ERC1: variants seen among roughly 807,000 people sequenced by gnomAD.
The protein encoded by ERC1 is ELKS/RAB6-interacting/CAST family member 1.
In ERC1, 56 loss-of-function variants were observed where a neutral mutation model predicts 132.0. The observed-to-expected ratio is 0.42, with a 90% confidence interval of 0.34 to 0.53. ERC1 has a LOEUF of 0.53. Ranked by LOEUF, ERC1 falls within the 20% of genes least tolerant of loss-of-function variation. The pLI is 0.03. For synonymous variants in ERC1, 478 were observed against 476.1 expected, an observed-to-expected ratio of 1.00 and a Z score of -0.05; for missense variants, 1,202 against 1,349.9, an observed-to-expected ratio of 0.89 and a Z score of 1.72.
chr12:1,434,436 G>A (rs750022174), intron 17 of ERC1, among the ~76,000 whole-genome samples: 1 of 152,174 alleles, frequency 6.6e-6, no homozygotes, highest in Non-Finnish European at 1.5e-5. Flanking sequence ...GTAGTTACCT[G>A]TGCTTCAGTC....
Position 1,211,983 on chromosome 12 carries a change from G to A in ERC1, c.2351+21931G>A, listed in dbSNP as rs191244174. On this transcript the variant is annotated intron_variant, in intron 12 of 18. Transcript: ENST00000360905. The stretch of plus-strand genomic sequence containing the variant: ...AGTAGCTTGCTTATTGTCATTATTA[G>A]TTTATTGATGCAACAGTAGAGTAAG... Among the ~76,000 whole-genome samples, 35 of 133,166 alleles carry A rather than the reference G, an allele frequency of 2.6e-4. No homozygotes were observed. In the East Asian group the frequency reaches 6.7e-3, roughly 26 times the overall value. The allele number at this position is 133,166 out of a possible 152,430, so 87.4% of individuals were successfully genotyped here.
chr12:1,440,378 T>A (rs567276177), intron 17 of ERC1, among the ~76,000 whole-genome samples: 1 of 150,620 alleles, frequency 6.6e-6, no homozygotes, highest in African/African-American at 2.5e-5. Flanking sequence ...CTAATTTTTT[T>A]TGTATTTTTA....
intron 2 of ERC1, among the ~76,000 whole-genome samples, chr12:1,060,385 T>A (rs1973781911): frequency 6.6e-6 from 1 of 151,788 alleles, no homozygotes; most frequent in African/African-American, 2.4e-5. Context: ...GTCCATGTGT[T>A]CTCATTGTTC....
intron 3 of ERC1, among the ~76,000 whole-genome samples, chr12:1,100,040 A>T (rs1944492028): frequency 6.6e-6 from 1 of 151,544 alleles, no homozygotes; most frequent in Non-Finnish European, 1.5e-5. Flanking sequence ...AGTAGAGATA[A>T]GATTTTACCA....
At chr12:1,435,166 A>G (rs2092915353) in intron 17 of ERC1, among the ~76,000 whole-genome samples, 1 of 152,206 alleles carries the variant, frequency 6.6e-6, no homozygotes, top group Non-Finnish European at 1.5e-5. Context: ...TGCCTTTTAA[A>G]TATGATTTCC....
chr12:1,403,760 G>T (rs560333066), intron 16 of ERC1, among the ~76,000 whole-genome samples: 1 of 152,090 alleles, frequency 6.6e-6, no homozygotes, highest in South Asian at 2.1e-4. Flanking sequence ...ACTTTATTAG[G>T]ATTTCTTTTT....
intron 11 of ERC1, among the ~76,000 whole-genome samples, chr12:1,186,900 G>A (rs1430732855): frequency 3.3e-5 from 5 of 152,068 alleles, no homozygotes; most frequent in African/African-American, 4.8e-5. Flanking sequence ...GCACAATCTC[G>A]ACTCACTGCA....
At chr12:1,107,169 C>T (rs1219171711) in intron 4 of ERC1, among the ~76,000 whole-genome samples, 1 of 152,156 alleles carries the variant, frequency 6.6e-6, no homozygotes, top group Non-Finnish European at 1.5e-5. Context: ...CTTTGTTCCT[C>T]TTCTTCTCTT....
At chr12:1,450,914 G>T (rs957782542) in intron 18 of ERC1, among the ~76,000 whole-genome samples, 4 of 152,168 alleles carry the variant, frequency 2.6e-5, no homozygotes, top group Non-Finnish European at 5.9e-5. Context: ...TCATGATGTT[G>T]AGCATCTCTT....
At chr12:1,073,368 A>G (rs574898184) in intron 2 of ERC1, among the ~76,000 whole-genome samples, 32 of 152,290 alleles carry the variant, frequency 2.1e-4, no homozygotes, top group African/African-American at 7.0e-4. Flanking sequence ...TAAGACCAAT[A>G]AAATGCTACT....
chr12:1,379,897 A>G (rs1177902578), intron 16 of ERC1, among the ~76,000 whole-genome samples: 5 of 152,218 alleles, frequency 3.3e-5, no homozygotes, highest in African/African-American at 7.2e-5. Flanking sequence ...ACCTGGAGAC[A>G]GAGATCCTTG....
intron 1 of ERC1, among the ~76,000 whole-genome samples, chr12:995,318 T>TC (rs1343216332): frequency 6.6e-6 from 1 of 152,130 alleles, no homozygotes; most frequent in Non-Finnish European, 1.5e-5. Context: ...GCTGTATTGT[T>TC]CCAGGTGAGG....
At chr12:1,377,588 G>A (rs16928381) in intron 16 of ERC1, among the ~76,000 whole-genome samples, 61,765 of 152,014 alleles carry the variant, frequency 0.41, 13,785 homozygotes, top group African/African-American at 0.59. Context: ...TGTTGTTAGC[G>A]AAAAGAAAAT....
chr12:1,181,204 C>T (rs1954418899), intron 9 of ERC1, among the ~76,000 whole-genome samples: 1 of 152,084 alleles, frequency 6.6e-6, no homozygotes, highest in Admixed American at 6.5e-5. Context: ...ATTTTAAGCT[C>T]AATATATCAA....
At chr12:1,248,753 C>T (rs746723865) in intron 13 of ERC1, among the ~76,000 whole-genome samples, 2 of 152,152 alleles carry the variant, frequency 1.3e-5, no homozygotes, top group African/African-American at 2.4e-5. Context: ...CTGTTTCATA[C>T]CTTTGTGTGC....
chr12:1,405,054 T>C (rs1394317179), intron 16 of ERC1, among the ~76,000 whole-genome samples: 3 of 151,766 alleles, frequency 2.0e-5, no homozygotes, highest in Non-Finnish European at 4.4e-5. Flanking sequence ...GCAAGAGAAT[T>C]GCTTGAGCCC....
At chr12:1,331,885 G>A (rs773036461) in intron 15 of ERC1, among the ~76,000 whole-genome samples, 1 of 152,134 alleles carries the variant, frequency 6.6e-6, no homozygotes, top group Non-Finnish European at 1.5e-5. Flanking sequence ...TATAGTCATT[G>A]CTATGTATTT....
chr12:1,203,674 CCTAA>C (rs569839278), intron 12 of ERC1, among the ~76,000 whole-genome samples: 61 of 152,236 alleles, frequency 4.0e-4, no homozygotes, highest in African/African-American at 1.4e-3. Flanking sequence ...CGTTAGAAGC[CCTAA>C]CTATTTGGAG....
At chr12:1,372,617 T>C (rs573905641) in intron 16 of ERC1, among the ~76,000 whole-genome samples, 2 of 152,328 alleles carry the variant, frequency 1.3e-5, no homozygotes, top group South Asian at 4.1e-4. Context: ...AGAAAAACAT[T>C]TCCCTTGGAA....
Sources: allele counts gnomAD v4.1 joint callset (sites outside exome capture counted in the v4.1 genomes callset), GRCh38; gene constraint gnomAD v4.1.1; transcripts MANE v1.5; gene names NCBI Gene and HGNC (gene_info 2026-07-23, HGNC 2026-07-21).